ADH7: variants seen among roughly 807,000 people sequenced by gnomAD.
ADH7 encodes alcohol dehydrogenase 7 (class IV), mu or sigma polypeptide, also known as all-trans-retinol dehydrogenase [NAD(+)] ADH7.
ADH7 carries 41 observed loss-of-function variants against 34.4 expected under a neutral mutation model. The ratio of observed to expected loss-of-function variants is 1.19; its 90% CI spans 0.93 to 1.55. The LOEUF is 1.55. ADH7 is among the 40% of genes most tolerant of loss of function. The pLI is 0.00. For synonymous variants in ADH7, 180 were observed against 160.9 expected, an observed-to-expected ratio of 1.12 and a Z score of -0.90; for missense variants, 540 against 461.2, an observed-to-expected ratio of 1.17 and a Z score of -1.56.
intron 5 of ADH7, among the ~76,000 whole-genome samples, chr4:99,426,810 A>G (rs1183516892): frequency 6.6e-6 from 1 of 152,244 alleles, no homozygotes; most frequent in Non-Finnish European, 1.5e-5. Context: ...AAAAATCCTC[A>G]ATAAAATACT....
At chr4:99,426,934 A>C (rs887599588) in intron 5 of ADH7, among the ~76,000 whole-genome samples, 1 of 152,180 alleles carries the variant, frequency 6.6e-6, no homozygotes, top group African/African-American at 2.4e-5. Context: ...TGTAATCTGC[A>C]TATAAACAGA....
intron 2 of ADH7, among the ~76,000 whole-genome samples, chr4:99,428,900 A>G (rs541131739): frequency 6.6e-6 from 1 of 152,284 alleles, no homozygotes; most frequent in South Asian, 2.1e-4. Context: ...GAACCAGAAT[A>G]CAGATGTTAC....
rs146037895 is a variant in ADH7 at position 99,420,027 on chromosome 4, T to A, written c.825+506A>T. Among the ~76,000 whole-genome samples, 486 of 152,212 alleles carry A rather than the reference T, an allele frequency of 3.2e-3. 5 individuals are homozygous for A. The highest frequency in any genetic ancestry group is 0.011 in the African/African-American group (456 of 41,532). On this transcript the variant is annotated intron_variant, in intron 6 of 8. Transcript: ENST00000437033. ...GCTGCGGGCTGCCATACAGGTGGCA[T>A]GGTTAGAAAATTGAAGGTTCATATT... is the stretch of plus-strand genomic sequence containing the variant.
chr4:99,423,275 CATT>C (rs903093859), intron 5 of ADH7, among the ~76,000 whole-genome samples: 1 of 149,212 alleles, frequency 6.7e-6, no homozygotes, highest in Admixed American at 6.7e-5. Flanking sequence ...TCCAGTCTAT[CATT>C]GTTGGACATT....
At position 99,429,592 on chromosome 4, in the gene ADH7, T is replaced by C. The variant is rs747307164; in HGVS notation, c.60A>G (p.Gln20=). 1 of 1,612,274 alleles carries C rather than the reference T, an allele frequency of 6.2e-7. No homozygotes were observed. Among genetic ancestry groups the C allele is most frequent in the South Asian group, 1.1e-5 (1 of 90,664 alleles). ...CKAAVLWEQK[Q]PFSIEEIEVA... ...CTTCTATTTCCTCAATGGAGAAGGG[T>C]TGCTTCTGCTCCCAAAGCACAGCTG... The change falls in exon 2 of 9, where the codon CAA becomes CAG. Residue 20 remains glutamine, a synonymous_variant. Transcript: ENST00000437033.
intron 1 of ADH7, among the ~76,000 whole-genome samples, chr4:99,431,855 T>G (rs964427673): frequency 6.6e-6 from 1 of 152,204 alleles, no homozygotes; most frequent in African/African-American, 2.4e-5. Flanking sequence ...GGAATACTTA[T>G]GCACTGATGG....
chr4:99,425,336 A>G (rs1482471050), intron 5 of ADH7, among the ~76,000 whole-genome samples: 1 of 152,194 alleles, frequency 6.6e-6, no homozygotes, highest in Non-Finnish European at 1.5e-5. Context: ...AGAGACACAC[A>G]TAGGCTCAAA....
At chr4:99,424,783 A>G (rs1424483277) in intron 5 of ADH7, among the ~76,000 whole-genome samples, 8 of 151,854 alleles carry the variant, frequency 5.3e-5, no homozygotes, top group South Asian at 2.1e-4. Context: ...GGGCTGAGAC[A>G]ATGGGGTTTT....
intron 1 of ADH7, among the ~76,000 whole-genome samples, chr4:99,430,960 C>A (rs113954211): frequency 0.077 from 11,696 of 152,086 alleles, 661 homozygotes; most frequent in Middle Eastern, 0.13. Context: ...CCACGCCCAG[C>A]TAATATGTTT....
At chr4:99,430,689 C>A (rs778798082) in intron 1 of ADH7, among the ~76,000 whole-genome samples, 1 of 152,176 alleles carries the variant, frequency 6.6e-6, no homozygotes, top group Non-Finnish European at 1.5e-5. Context: ...CTCTGCCTTA[C>A]TAATGAAAAT....
intron 5 of ADH7, among the ~76,000 whole-genome samples, chr4:99,422,421 C>A (rs1390207243): frequency 6.6e-6 from 1 of 152,168 alleles, no homozygotes; most frequent in Non-Finnish European, 1.5e-5. Flanking sequence ...CCAAACACCA[C>A]ATGTTCTCAC....
Position 99,413,133 on chromosome 4 carries a change from C to T in ADH7, c.*15G>A, listed in dbSNP as rs17029033. 1.3e-3 allele frequency: 2,143 copies of T among 1,613,558 alleles called. 32 individuals carry two copies. In the African/African-American group the frequency reaches 0.023, roughly 17 times the overall value. On this transcript the variant is annotated 3_prime_UTR_variant, in exon 9 of 9. Coordinates refer to ENST00000437033, the MANE Select transcript of ADH7 (RefSeq NM_000673.7). ...AGTTCACCATGACAACACAGACCTC[C>T]TGCCACTTTGGATCTCAAAACGTCA...
In ADH7 at chr4:99,420,797, T is replaced by C; in HGVS notation, c.565-4A>G. 6.2e-7 allele frequency: 1 copy of C among 1,613,416 alleles called. No homozygotes were observed. The highest frequency in any genetic ancestry group is 8.5e-7 in the Non-Finnish European group (1 of 1,179,670). ...CGCAAGTGGAACCAGGTTTGACCTG[T>C]GGAGAGGAATGTTCTTGAACATGTT... On this transcript the variant is annotated splice_region_variant and splice_polypyrimidine_tract_variant and intron_variant, in intron 5 of 8. Transcript: ENST00000437033.
chr4:99,424,190 G>C (rs376292586), intron 5 of ADH7, among the ~76,000 whole-genome samples: 1 of 152,304 alleles, frequency 6.6e-6, no homozygotes, highest in South Asian at 2.1e-4. Flanking sequence ...GATAGTTGTA[G>C]ATATGTGGCG....
chr4:99,419,240 T>C, intron 6 of ADH7, 119 bp from the exon 7 acceptor site: 5 of 1,277,368 alleles, frequency 3.9e-6, no homozygotes, highest in Middle Eastern at 2.1e-4. Context: ...ACCTTGTTTT[T>C]TACTTGCTTT....
At chr4:99,430,479 T>G (rs1332411815) in intron 1 of ADH7, among the ~76,000 whole-genome samples, 1 of 152,216 alleles carries the variant, frequency 6.6e-6, no homozygotes, top group Non-Finnish European at 1.5e-5. Flanking sequence ...CCAATCTGTC[T>G]AGGACTCCTA....
chr4:99,423,212 A>T (rs1249945552), intron 5 of ADH7, among the ~76,000 whole-genome samples: 1 of 149,312 alleles, frequency 6.7e-6, no homozygotes, highest in South Asian at 2.1e-4. Context: ...TGAACTCATC[A>T]TTTTTTATGG....
At chr4:99,425,027 C>G (rs1003262995) in intron 5 of ADH7, among the ~76,000 whole-genome samples, 8 of 152,068 alleles carry the variant, frequency 5.3e-5, no homozygotes, top group African/African-American at 1.7e-4. Flanking sequence ...ATAGATAGCA[C>G]CAGGCCTGCC....
intron 1 of ADH7, 55 bp from the exon 2 acceptor site, chr4:99,429,688 C>T: frequency 8.1e-7 from 1 of 1,234,876 alleles, no homozygotes; most frequent in Non-Finnish European, 1.2e-6. Flanking sequence ...AACTTACAGA[C>T]TCCCTGACTA....
Sources: allele counts gnomAD v4.1 joint callset (sites outside exome capture counted in the v4.1 genomes callset), GRCh38; gene constraint gnomAD v4.1.1; transcripts MANE v1.5; gene names NCBI Gene and HGNC (gene_info 2026-07-23, HGNC 2026-07-21).